DHX33: variants seen among roughly 807,000 people sequenced by gnomAD.
The protein encoded by DHX33 is ATP-dependent RNA helicase DHX33.
DHX33 carries 42 observed loss-of-function variants against 72.5 expected under a neutral mutation model. The observed-to-expected ratio is 0.58, with a 90% CI of 0.45 to 0.75. The LOEUF is 0.75. DHX33 is among the 30% of genes least tolerant of loss of function. The pLI, the probability that DHX33 is intolerant of heterozygous loss-of-function variation, is 0.00. For missense variants in DHX33, 842 were observed against 917.5 expected (o/e 0.92, Z 1.06); for synonymous variants, 358 against 366.1 (o/e 0.98, Z 0.25).
Position 5,453,667 on chromosome 17 carries a change from A to G in DHX33, c.1309T>C (p.Cys437Arg), listed in dbSNP as rs1204929770. Residue 437 changes from cysteine (C) to arginine (R), a missense_variant and splice_region_variant, in exon 8 of 12, where the codon TGT becomes CGT. Coordinates refer to ENST00000225296, the MANE Select transcript of DHX33 (RefSeq NM_020162.4). ...DKMTVPEIQR[C>R]NLASVMLQLL... ...TGAAGCATCACACTGGCCAGGTTAC[A>G]CCTGTGAAGAGCATGAGACCAGGGT... 1 of 1,614,084 alleles carries G rather than the reference A, an allele frequency of 6.2e-7. No individual in the cohort carries two copies. The highest frequency in any genetic ancestry group is 8.5e-7 in the Non-Finnish European group (1 of 1,179,996).
intron 1 of DHX33, among the ~76,000 whole-genome samples, chr17:5,467,276 C>T (rs927413609): frequency 2.0e-5 from 3 of 152,176 alleles, no homozygotes; most frequent in Non-Finnish European, 4.4e-5. Context: ...ATGGCAATTT[C>T]ACAAACAACT....
intron 4 of DHX33, among the ~76,000 whole-genome samples, chr17:5,456,626 C>T (rs1904336793): frequency 6.6e-6 from 1 of 152,118 alleles, no homozygotes; most frequent in Non-Finnish European, 1.5e-5. Flanking sequence ...TAGGAGTTAG[C>T]CAGCTATGTT....
intron 3 of DHX33, 55 bp downstream of exon 3, chr17:5,462,264 C>G: frequency 1.3e-6 from 2 of 1,532,220 alleles, no homozygotes; most frequent in Non-Finnish European, 1.8e-6. Flanking sequence ...CTGTGTGTTA[C>G]GCATACTTTC....
chr17:5,464,304 T>C (rs1164126597), intron 1 of DHX33, among the ~76,000 whole-genome samples: 1 of 152,310 alleles, frequency 6.6e-6, no homozygotes, highest in South Asian at 2.1e-4. Context: ...CACTCCAGCA[T>C]GGGCAACGGA....
chr17:5,464,708 A>G (rs143313081), intron 1 of DHX33, among the ~76,000 whole-genome samples: 8 of 152,376 alleles, frequency 5.3e-5, no homozygotes, highest in Middle Eastern at 3.4e-3. Flanking sequence ...AATATAAAAT[A>G]AAATACAACC....
Position 5,468,219 on chromosome 17 carries a change from C to G in DHX33, c.289+352G>C, listed in dbSNP as rs370451239. Reference sequence around the variant, plus strand: ...GGTTCCCATCTCTCAAACGGGCTTTCCCCCCTGCCTAGAATGCCCTCCCTC... The same window carrying G: ...GGTTCCCATCTCTCAAACGGGCTTTGCCCCCTGCCTAGAATGCCCTCCCTC... On this transcript the variant is annotated intron_variant, in intron 1 of 11. Transcript: ENST00000225296. Among the ~76,000 whole-genome samples the G allele has an allele frequency of 7.9e-5, 12 of 152,306 alleles. No homozygotes were observed. The East Asian group carries it at 1.5e-3, about 20-fold the overall frequency.
chr17:5,459,756 A>G (rs1388721895), intron 4 of DHX33, among the ~76,000 whole-genome samples: 5 of 152,058 alleles, frequency 3.3e-5, no homozygotes, highest in Non-Finnish European at 5.9e-5. Flanking sequence ...GAGGCACAAA[A>G]TATCAGAGTA....
chr17:5,444,378 C>T lies in DHX33; in HGVS notation c.1951G>A (p.Ala651Thr), dbSNP rs1190050798. 1 of 1,614,222 alleles carries T rather than the reference C, an allele frequency of 6.2e-7. No individual in the cohort carries two copies. Among genetic ancestry groups the T allele is most frequent in the South Asian group, 1.1e-5 (1 of 91,088 alleles). Residue 651 changes from alanine to threonine, a missense_variant, in exon 12 of 12, where the codon GCC becomes ACC. Coordinates refer to ENST00000225296, the MANE Select transcript of DHX33 (RefSeq NM_020162.4). This position sits in a 1 kb window ranked among gnomAD's most constrained non-coding sequence, Gnocchi z 4.9. The part of the protein sequence containing the change: ...YATTDTHQPV[A>T]IHPSSVLFHC... ...AAGAGGACAGACGACGGGTGGATGG[C>T]CACTGGCTGGTGGGTGTCCGTGGTG... is the stretch of plus-strand genomic sequence containing the variant.
At position 5,456,052 on chromosome 17, in the gene DHX33, A is replaced by G; in HGVS notation, c.980T>C (p.Leu327Pro). Residue 327 changes from leucine to proline, a missense_variant, in exon 5 of 12, where the codon CTG becomes CCG. Coordinates refer to ENST00000225296, the MANE Select transcript of DHX33 (RefSeq NM_020162.4). The part of the protein sequence containing the change: ...DGCPAMLVLP[L>P]YASLPYAQQL... ...CTGTGCATAGGGCAGGGAGGCGTAC[A>G]GAGGAAGGACCAGCATCGCAGGGCA... is the stretch of plus-strand genomic sequence containing the variant. The G allele has an allele frequency of 1.2e-6, 2 of 1,613,530 alleles. No homozygotes were observed. Among genetic ancestry groups the G allele is most frequent in the Non-Finnish European group, 1.7e-6 (2 of 1,180,026 alleles).
In DHX33 at chr17:5,462,590, G is replaced by T. The variant is rs185863880; in HGVS notation, c.451-44C>A. On this transcript the variant is annotated intron_variant, in intron 2 of 11. Transcript: ENST00000225296. ...TATTCAGTCACCAAACATTTCTTGAGCGCCCACTGTGTCCGGCACTAAGTT... is the reference window on the plus strand; with the variant it reads ...TATTCAGTCACCAAACATTTCTTGATCGCCCACTGTGTCCGGCACTAAGTT... 1,063 of 1,495,788 alleles carry T rather than the reference G, an allele frequency of 7.1e-4. 2 individuals carry two copies. Among genetic ancestry groups the T allele is most frequent in the Non-Finnish European group, 9.5e-4 (1,029 of 1,078,628 alleles). The allele number at this position is 1,495,788 out of a possible 1,614,324, so 92.7% of individuals were successfully genotyped here. A position where few individuals can be genotyped will look rare whatever the true frequency, so the allele number is the denominator to read the frequency against.
Position 5,442,832 on chromosome 17 carries a change from T to A in DHX33, c.*1373A>T, listed in dbSNP as rs1364733834. The A allele has an allele frequency of 6.6e-6, 1 of 152,180 alleles. No individual in the cohort carries two copies. The highest frequency in any genetic ancestry group is 2.4e-5 in the African/African-American group (1 of 41,440). The allele number at this position is 152,180 out of a possible 1,614,324, so 9.4% of individuals were successfully genotyped here. On this transcript the variant is annotated 3_prime_UTR_variant, in exon 12 of 12. Coordinates refer to ENST00000225296, the MANE Select transcript of DHX33 (RefSeq NM_020162.4). ...GGGCAAAATATTATCTGGGGAAAGATTACTTGCTTCTGATAATTAAATAGC... is the reference window on the plus strand; with the variant it reads ...GGGCAAAATATTATCTGGGGAAAGAATACTTGCTTCTGATAATTAAATAGC...
At chr17:5,461,924 A>G (rs1048588020) in intron 3 of DHX33, among the ~76,000 whole-genome samples, 1 of 148,988 alleles carries the variant, frequency 6.7e-6, no homozygotes, top group Non-Finnish European at 1.5e-5. Flanking sequence ...TATGCTATTT[A>G]ATGAACTTTC....
In DHX33 at chr17:5,448,869, G is replaced by A; in HGVS notation, c.1755C>T (p.Asn585=). The change falls in exon 11 of 12, where the codon AAC becomes AAT. Residue 585 remains asparagine (N), a synonymous_variant. Coordinates refer to ENST00000225296, the MANE Select transcript of DHX33 (RefSeq NM_020162.4). The part of the protein sequence containing the change: ...NKDWCKENFV[N]SKNMTLVAEV... The stretch of plus-strand genomic sequence containing the variant: ...CTGCTACCAGCGTCATATTCTTGCT[G>A]TTGACAAAATTCTCTTTGCACCAAT... The A allele has an allele frequency of 6.2e-7, 1 of 1,613,412 alleles. No individual in the cohort carries two copies. The highest frequency in any genetic ancestry group is 1.1e-5 in the South Asian group (1 of 90,958).
chr17:5,452,387 A>G (rs1268492335), intron 8 of DHX33, among the ~76,000 whole-genome samples: 1 of 152,130 alleles, frequency 6.6e-6, no homozygotes, highest in Non-Finnish European at 1.5e-5. Context: ...AAAAAATACA[A>G]AAATTAGCCG....
intron 1 of DHX33, 92 bp from the exon 2 acceptor site, chr17:5,463,781 G>A: frequency 7.7e-7 from 1 of 1,305,640 alleles, no homozygotes; most frequent in Non-Finnish European, 1.0e-6. Flanking sequence ...AGCACTTTGG[G>A]AGGCCGAGGT....
chr17:5,468,495 G>A (rs1904978245), intron 1 of DHX33, 76 bp downstream of exon 1: 1 of 1,509,766 alleles, frequency 6.6e-7, no homozygotes, highest in Admixed American at 2.0e-5. Flanking sequence ...AAGGGATTGA[G>A]AGGCATGTAA....
intron 4 of DHX33, 38 bp downstream of exon 4, chr17:5,460,901 A>G: frequency 6.3e-7 from 1 of 1,587,524 alleles, no homozygotes; most frequent in East Asian, 2.3e-5. Context: ...CTGCAAGATA[A>G]AAGAGAACTT....
In DHX33 at chr17:5,456,089, G is replaced by A; in HGVS notation, c.943C>T (p.Leu315Phe). Residue 315 changes from leucine to phenylalanine, a missense_variant, in exon 5 of 12, where the codon CTC becomes TTC. Leu to Phe is a conservative substitution (Grantham distance 22, BLOSUM62 0). Transcript: ENST00000225296. ...SKTCRDIAKH[L>F]PDGCPAMLVL... ...AGCATCGCAGGGCAGCCGTCTGGGA[G>A]GTGCTTTGCAATGTCTCGGCACGTC... 6.2e-7 allele frequency: 1 copy of A among 1,614,024 alleles called. No individual in the cohort carries two copies. Among genetic ancestry groups the A allele is most frequent in the Non-Finnish European group, 8.5e-7 (1 of 1,180,040 alleles).
chr17:5,456,131 TCTC>T lies in DHX33; in HGVS notation c.898_900del (p.Glu300del). 1 of 1,614,048 alleles carries T rather than the reference TCTC, an allele frequency of 6.2e-7. No individual in the cohort carries two copies. The highest frequency in any genetic ancestry group is 2.2e-5 in the East Asian group (1 of 44,874). On this transcript the variant is annotated inframe_deletion, in exon 5 of 12. Transcript: ENST00000225296. ...CGGCACGTCTTGCTCATGGCTTCGA[TCTC>T]CTCCTGCCCAGTGAGGAACACCAGG...
Sources: gnomAD v4.1 joint callset for allele counts (sites outside exome capture counted in the v4.1 genomes callset) on GRCh38, gnomAD v4.1.1 for gene constraint, Gnocchi (gnomAD v3.1) non-coding constraint, MANE v1.5 for transcripts, NCBI Gene and HGNC (gene_info 2026-07-23, HGNC 2026-07-21) for gene names.